RORB: variants seen among roughly 807,000 people sequenced by gnomAD.
RORB encodes the protein RAR related orphan receptor B, also known as nuclear receptor ROR-beta.
A neutral mutation model predicts 59.1 loss-of-function variants in RORB; 6 were observed. The observed-to-expected ratio is 0.10, with a 90% CI of 0.06 to 0.20. The LOEUF (loss-of-function observed/expected upper bound fraction) is 0.20, where lower values mean the gene tolerates loss of function less well. Ranked by LOEUF, RORB falls within the 10% of genes least tolerant of loss-of-function variation. The probability of loss-of-function intolerance (pLI) is 1.00; values close to 1 mark genes in which losing one functional copy is unlikely to be tolerated. For synonymous variants in RORB, 215 were observed against 204.5 expected (o/e 1.05, Z -0.44); for missense variants, 320 against 560.5 (o/e 0.57, Z 4.33).
chr9:74,585,437 G>A (rs1822783738), intron 1 of RORB, among the ~76,000 whole-genome samples: 1 of 152,178 alleles, frequency 6.6e-6, no homozygotes, highest in Non-Finnish European at 1.5e-5. Flanking sequence ...TTTAATGTAA[G>A]CAGGTGTCTG....
intron 4 of RORB, among the ~76,000 whole-genome samples, chr9:74,649,178 G>A (rs1449129378): frequency 6.6e-6 from 1 of 151,968 alleles, no homozygotes; most frequent in African/African-American, 2.4e-5. Flanking sequence ...TTGAACTCCT[G>A]ACCTCAGGTA....
intron 2 of RORB, 124 bp downstream of exon 2, chr9:74,630,491 A>C: frequency 2.6e-6 from 1 of 386,472 alleles, no homozygotes; most frequent in Non-Finnish European, 4.7e-6. Flanking sequence ...GCTGACATTC[A>C]GGAATTCTTG....
In RORB at chr9:74,497,959, C is replaced by A. The variant is rs372919640; in HGVS notation, c.-18C>A. The A allele has an allele frequency of 3.7e-6, 6 of 1,611,622 alleles. No homozygotes were observed. Among genetic ancestry groups the A allele is most frequent in the South Asian group, 3.3e-5 (3 of 90,594 alleles). On this transcript the variant is annotated 5_prime_UTR_variant, in exon 1 of 10. Coordinates refer to ENST00000376896, the MANE Select transcript of RORB (RefSeq NM_006914.4). ...GGAGCAGCTTCATGACTACGCGGAG[C>A]GGGAGAGCGGCCACACCATGCGAGG...
chr9:74,523,978 A>G (rs190567665), intron 1 of RORB, among the ~76,000 whole-genome samples: 1 of 144,044 alleles, frequency 6.9e-6, no homozygotes, highest in Admixed American at 7.0e-5. Flanking sequence ...TATTGCCATG[A>G]CTTTATTCAC....
At chr9:74,549,044 G>A (rs918553415) in intron 1 of RORB, among the ~76,000 whole-genome samples, 22 of 152,056 alleles carry the variant, frequency 1.4e-4, no homozygotes, top group African/African-American at 4.1e-4. Flanking sequence ...ATGAAAATGC[G>A]ATATTGCATC....
intron 1 of RORB, among the ~76,000 whole-genome samples, chr9:74,581,382 G>C (rs1822720498): frequency 6.6e-6 from 1 of 152,138 alleles, no homozygotes; most frequent in Admixed American, 6.5e-5. Context: ...ACCAGTTTCA[G>C]GGGGAAAATG....
chr9:74,665,698 C>T, intron 7 of RORB, 103 bp downstream of exon 7: 1 of 751,556 alleles, frequency 1.3e-6, no homozygotes, highest in Non-Finnish European at 2.3e-6. Context: ...TGATGTGAAC[C>T]AGTATCTCAT....
chr9:74,518,586 C>T (rs1360399510), intron 1 of RORB, among the ~76,000 whole-genome samples: 1 of 152,026 alleles, frequency 6.6e-6, no homozygotes, highest in Non-Finnish European at 1.5e-5. Context: ...CCACGATCCT[C>T]ATTTCTGAAT....
chr9:74,637,494 A>T (rs1823725681), intron 3 of RORB, among the ~76,000 whole-genome samples: 1 of 152,192 alleles, frequency 6.6e-6, no homozygotes, highest in Non-Finnish European at 1.5e-5. Flanking sequence ...CTTTATGTGT[A>T]TAAAAAGGTG....
intron 1 of RORB, among the ~76,000 whole-genome samples, chr9:74,571,431 A>G (rs559568686): frequency 6.6e-6 from 1 of 151,768 alleles, no homozygotes; most frequent in Non-Finnish European, 1.5e-5. Context: ...AGTTTTAATT[A>G]CTAGAGTTGG....
intron 7 of RORB, among the ~76,000 whole-genome samples, chr9:74,666,328 A>G (rs1471843171): frequency 2.0e-5 from 3 of 151,562 alleles, no homozygotes; most frequent in African/African-American, 4.8e-5. Context: ...GGGCATGGTG[A>G]CACACACCTG....
At position 74,624,320 on chromosome 9, in the gene RORB, A is replaced by T. The variant is rs377160050; in HGVS notation, c.8-5962A>T. ...AGATGCTGATAGACGTGAGAGTGTT[A>T]TAGTAGAAATTAGAGTGCACTGAAT... On this transcript the variant is annotated intron_variant, in intron 1 of 9. Transcript: ENST00000376896. Among the ~76,000 whole-genome samples, 19 of 152,306 alleles carry T rather than the reference A, an allele frequency of 1.2e-4. No homozygotes were observed. The East Asian group carries it at 2.1e-3, about 17-fold the overall frequency.
chr9:74,619,639 A>G (rs1019090407), intron 1 of RORB, among the ~76,000 whole-genome samples: 6 of 151,998 alleles, frequency 3.9e-5, no homozygotes, highest in African/African-American at 1.4e-4. Context: ...TTTAGTAGAG[A>G]CAGGGTTTCA....
intron 1 of RORB, among the ~76,000 whole-genome samples, chr9:74,613,162 T>A (rs563015257): frequency 1.9e-4 from 29 of 152,340 alleles, no homozygotes; most frequent in African/African-American, 6.7e-4. Flanking sequence ...CATATTGAAC[T>A]ATGTTTACTG....
rs150658123 is a variant in RORB, at chr9:74,657,864, G to T, written c.638-2753G>T. On this transcript the variant is annotated intron_variant, in intron 4 of 9. Transcript: ENST00000376896. ...TACTAAAAATACAAAAATTATCCAG[G>T]TGTGGTGGTGGGCACCTGTAATCAC... Among the ~76,000 whole-genome samples the T allele has an allele frequency of 8.1e-4, 123 of 151,980 alleles. 3 individuals are homozygous for T. In the East Asian group the frequency reaches 0.023, roughly 28 times the overall value.
intron 1 of RORB, among the ~76,000 whole-genome samples, chr9:74,613,791 T>A (rs567933782): frequency 6.6e-6 from 1 of 152,308 alleles, no homozygotes; most frequent in Admixed American, 6.5e-5. Flanking sequence ...GTGGAGATGT[T>A]TAAGAGAAGA....
intron 1 of RORB, among the ~76,000 whole-genome samples, chr9:74,625,648 A>G (rs1350425143): frequency 6.6e-6 from 1 of 152,234 alleles, no homozygotes; most frequent in Non-Finnish European, 1.5e-5. Flanking sequence ...CTTTTATAAG[A>G]AGGAGTATAT....
chr9:74,630,255 C>A, intron 1 of RORB, 27 bp from the exon 2 acceptor site: 1 of 1,608,442 alleles, frequency 6.2e-7, no homozygotes, highest in Non-Finnish European at 8.5e-7. Context: ...CATCTGTATG[C>A]TCAAAATGTC....
At chr9:74,653,771 T>C (rs1824034135) in intron 4 of RORB, among the ~76,000 whole-genome samples, 2 of 150,848 alleles carry the variant, frequency 1.3e-5, no homozygotes, top group East Asian at 4.0e-4. Context: ...GTCTGAGACA[T>C]TGTAGCCTTT....
Sources: gnomAD v4.1 joint callset for allele counts (sites outside exome capture counted in the v4.1 genomes callset) on GRCh38, gnomAD v4.1.1 for gene constraint, MANE v1.5 for transcripts, NCBI Gene and HGNC (gene_info 2026-07-23, HGNC 2026-07-21) for gene names.